Variants in SAMD8 observed in about 807,000 individuals in gnomAD.
SAMD8 encodes sterile alpha motif domain containing 8.
Under a neutral mutation model 42.0 loss-of-function variants are expected in SAMD8, and 20 were observed. The observed-to-expected ratio is 0.48, with a 90% CI of 0.34 to 0.69. SAMD8 has a LOEUF of 0.69. SAMD8 is among the 30% of genes least tolerant of loss of function. The pLI is 0.01. For missense variants in SAMD8, 328 were observed against 511.6 expected, an observed-to-expected ratio of 0.64 and a Z score of 3.46; for synonymous variants, 162 against 173.0, an observed-to-expected ratio of 0.94 and a Z score of 0.50.
At chr10:75,164,522 C>T in intron 2 of SAMD8, 123 bp from the exon 3 acceptor site, 1 of 1,413,266 alleles carries the variant, frequency 7.1e-7, no homozygotes. Flanking sequence ...ATATCATTTT[C>T]TGTAAGAGAT....
chr10:75,110,069 G>A (rs770108758), upstream of SAMD8, among the ~76,000 whole-genome samples: 1 of 152,186 alleles, frequency 6.6e-6, no homozygotes, highest in Non-Finnish European at 1.5e-5. Context: ...AGCCTGCCTC[G>A]GCCTCCCAAA....
chr10:75,149,811 G>C (rs1840239794), intron 1 of SAMD8, among the ~76,000 whole-genome samples: 1 of 151,962 alleles, frequency 6.6e-6, no homozygotes, highest in African/African-American at 2.4e-5. Flanking sequence ...CAGTTCTCGA[G>C]TAGGCTTTTT....
intron 1 of SAMD8, chr10:75,102,023 C>A: frequency 8.0e-7 from 1 of 1,253,488 alleles, no homozygotes; most frequent in African/African-American, 1.5e-5. Flanking sequence ...CCAGCCTCCC[C>A]TGCCACTCCC....
intron 2 of SAMD8, among the ~76,000 whole-genome samples, chr10:75,152,439 G>A (rs961323166): frequency 4.0e-5 from 6 of 148,614 alleles, no homozygotes; most frequent in Non-Finnish European, 6.0e-5. Context: ...GGAGAATGGC[G>A]TGAACCCGGG....
At chr10:75,164,805 T>A in intron 3 of SAMD8, 65 bp downstream of exon 3, 1 of 1,166,828 alleles carries the variant, frequency 8.6e-7, no homozygotes, top group South Asian at 1.3e-5. Flanking sequence ...CATAAAATCT[T>A]AACCTTTCTC....
intron 2 of SAMD8, among the ~76,000 whole-genome samples, chr10:75,161,995 G>A (rs921330328): frequency 1.3e-5 from 2 of 151,916 alleles, no homozygotes; most frequent in African/African-American, 2.4e-5. Context: ...CCAAAATCAC[G>A]CCACTACAGT....
Position 75,177,088 on chromosome 10 carries a change from T to C in SAMD8, c.*396T>C. ...AAATAATATGTTTTGAAGCTCCTTA[T>C]TACCTTTAGAAGAAGAAACCCTAAC... On this transcript the variant is annotated 3_prime_UTR_variant, in exon 6 of 6. Coordinates refer to ENST00000542569, the MANE Select transcript of SAMD8 (RefSeq NM_001174156.2). 6.2e-6 allele frequency: 1 copy of C among 161,448 alleles called. No individual in the cohort carries two copies. The highest frequency in any genetic ancestry group is 1.8e-4 in the South Asian group (1 of 5,524). The allele number at this position is 161,448 out of a possible 1,614,324, so 10.0% of individuals were successfully genotyped here. A position where few individuals can be genotyped will look rare whatever the true frequency, so the allele number is the denominator to read the frequency against.
chr10:75,125,153 A>G (rs1317579418), intron 1 of SAMD8: 2 of 152,124 alleles, frequency 1.3e-5, no homozygotes, highest in East Asian at 3.8e-4. Flanking sequence ...AGAGAATCCC[A>G]TTGTGTGTAG....
At chr10:75,100,995 A>G (rs1409237787) in intron 1 of SAMD8, among the ~76,000 whole-genome samples, 1 of 152,212 alleles carries the variant, frequency 6.6e-6, no homozygotes, top group Admixed American at 6.5e-5. Context: ...CTTCCTGCCC[A>G]TCCTTTCTGA....
In SAMD8 at chr10:75,150,771, T is replaced by C; in HGVS notation, c.243T>C (p.Asp81=). 1 of 1,614,178 alleles carries C rather than the reference T, an allele frequency of 6.2e-7. No individual in the cohort carries two copies. The highest frequency in any genetic ancestry group is 8.5e-7 in the Non-Finnish European group (1 of 1,180,016). ...SVRKLQKIHI[D]VLEEMGYNSD... ...GAAAATTGCAGAAAATACATATTGATGTTTTAGAAGAGATGGGCTACAACA... is the reference window on the plus strand; with the variant it reads ...GAAAATTGCAGAAAATACATATTGACGTTTTAGAAGAGATGGGCTACAACA... The change falls in exon 2 of 6, where the codon GAT becomes GAC. Residue 81 remains aspartate, a synonymous_variant. Transcript: ENST00000542569.
intron 2 of SAMD8, among the ~76,000 whole-genome samples, chr10:75,158,448 C>T (rs1323685598): frequency 5.9e-5 from 9 of 151,860 alleles, no homozygotes; most frequent in East Asian, 3.9e-4. Context: ...AAAAATTAGC[C>T]GGGCGTGGTG....
intron 1 of SAMD8, among the ~76,000 whole-genome samples, chr10:75,134,195 G>A (rs774859259): frequency 7.2e-5 from 11 of 152,156 alleles, no homozygotes; most frequent in Non-Finnish European, 1.3e-4. Context: ...GGGGGCAGCC[G>A]GGAGAGGGAG....
intron 1 of SAMD8, among the ~76,000 whole-genome samples, chr10:75,138,094 T>C (rs1409618211): frequency 2.0e-5 from 3 of 152,136 alleles, no homozygotes; most frequent in African/African-American, 2.4e-5. Flanking sequence ...CTGTTTTCCA[T>C]ATCTCATGAG....
intron 1 of SAMD8, among the ~76,000 whole-genome samples, chr10:75,133,024 G>A (rs1457289483): frequency 6.6e-6 from 1 of 152,002 alleles, no homozygotes; most frequent in African/African-American, 2.4e-5. Context: ...GCAGGTTTTT[G>A]TTTTGTTTAT....
intron 3 of SAMD8, among the ~76,000 whole-genome samples, chr10:75,165,995 A>G (rs1044107982): frequency 2.1e-4 from 32 of 151,910 alleles, no homozygotes; most frequent in South Asian, 1.5e-3. Context: ...AAAAAAAAAA[A>G]AAAGAAAGAT....
chr10:75,140,309 T>A (rs1839984341), intron 1 of SAMD8, among the ~76,000 whole-genome samples: 1 of 152,192 alleles, frequency 6.6e-6, no homozygotes, highest in Admixed American at 6.5e-5. Flanking sequence ...TTTGCCATAT[T>A]GGCCAGGCTG....
At chr10:75,168,348 A>C in intron 3 of SAMD8, 193 bp from the exon 4 acceptor site, 1 of 774,024 alleles carries the variant, frequency 1.3e-6, no homozygotes, top group Non-Finnish European at 1.6e-6. Flanking sequence ...CTTGGACAGT[A>C]TATGGAACAT....
chr10:75,127,791 G>A (rs976775904), intron 1 of SAMD8, among the ~76,000 whole-genome samples: 1 of 152,146 alleles, frequency 6.6e-6, no homozygotes, highest in Non-Finnish European at 1.5e-5. Context: ...AAATAAACAA[G>A]TCCTCTTGAG....
At chr10:75,160,755 C>T (rs1840539340) in intron 2 of SAMD8, among the ~76,000 whole-genome samples, 1 of 152,022 alleles carries the variant, frequency 6.6e-6, no homozygotes, top group African/African-American at 2.4e-5. Context: ...TGGCCCTGCC[C>T]AAGAGGTAAG....
Sources: gnomAD v4.1 joint callset for allele counts (sites outside exome capture counted in the v4.1 genomes callset) on GRCh38, gnomAD v4.1.1 for gene constraint, MANE v1.5 for transcripts, NCBI Gene and HGNC (gene_info 2026-07-23, HGNC 2026-07-21) for gene names.